Variants in DRAM1 observed in about 807,000 individuals in gnomAD.
The protein encoded by DRAM1 is DNA damage-regulated autophagy modulator protein 1.
A neutral mutation model predicts 28.5 loss-of-function variants in DRAM1; 25 were observed. The observed-to-expected ratio is 0.88, with a 90% CI of 0.64 to 1.23. The LOEUF (loss-of-function observed/expected upper bound fraction) is 1.23, where lower values mean the gene tolerates loss of function less well. Among genes scored for constraint, DRAM1 ranks in the 50% most tolerant of loss-of-function variants. DRAM1 has a pLI of 0.00. For missense variants in DRAM1, 249 were observed against 299.2 expected (o/e 0.83, Z 1.24); for synonymous variants, 113 against 114.2 (o/e 0.99, Z 0.07).
At chr12:101,907,372 T>A (rs1196455391) in intron 3 of DRAM1, among the ~76,000 whole-genome samples, 2 of 151,022 alleles carry the variant, frequency 1.3e-5, no homozygotes, top group Non-Finnish European at 3.0e-5. Flanking sequence ...ATGGAACGAG[T>A]CACGTACTTT....
At chr12:101,911,860 AT>A (rs1174506524) in intron 4 of DRAM1, among the ~76,000 whole-genome samples, 1 of 152,198 alleles carries the variant, frequency 6.6e-6, no homozygotes, top group Non-Finnish European at 1.5e-5. Context: ...CATATTATGT[AT>A]ATCTTATATT....
At chr12:101,887,145 C>CAAAAAAAAA (rs10654713) in intron 1 of DRAM1, among the ~76,000 whole-genome samples, 4 of 128,984 alleles carry the variant, frequency 3.1e-5, no homozygotes, top group Non-Finnish European at 5.2e-5. Context: ...AACTCCGTTT[C>CAAAAAAAAA]AAAAAAAAAA....
intron 1 of DRAM1, among the ~76,000 whole-genome samples, chr12:101,896,746 C>T (rs1873388780): frequency 6.6e-6 from 1 of 151,922 alleles, no homozygotes; most frequent in South Asian, 2.1e-4. Context: ...CTATTATTTC[C>T]ATAAAGTATT....
chr12:101,920,772 G>T (rs959015739), intron 6 of DRAM1, among the ~76,000 whole-genome samples: 1 of 152,088 alleles, frequency 6.6e-6, no homozygotes, highest in African/African-American at 2.4e-5. Flanking sequence ...TTAGCTGGGG[G>T]TGGTGGCACA....
At chr12:101,903,720 T>C (rs1302079250) in intron 3 of DRAM1, among the ~76,000 whole-genome samples, 2 of 152,128 alleles carry the variant, frequency 1.3e-5, no homozygotes, top group African/African-American at 2.4e-5. Flanking sequence ...TGTGAGGTGA[T>C]TGATATGTTA....
chr12:101,887,882 T>G (rs1872946399), intron 1 of DRAM1, among the ~76,000 whole-genome samples: 1 of 151,788 alleles, frequency 6.6e-6, no homozygotes, highest in South Asian at 2.1e-4. Context: ...TTTTGATTAC[T>G]GAGACTACAC....
intron 1 of DRAM1, among the ~76,000 whole-genome samples, chr12:101,879,992 A>G (rs1289613489): frequency 3.6e-5 from 5 of 137,084 alleles, no homozygotes; most frequent in East Asian, 4.0e-4. Context: ...TCCATCTCAG[A>G]AAAAAAAAAA....
intron 3 of DRAM1, 185 bp downstream of exon 3, chr12:101,901,618 G>A (rs903648118): frequency 3.6e-5 from 23 of 632,272 alleles, no homozygotes; most frequent in Middle Eastern, 4.4e-4. Context: ...AGGTGTGGTG[G>A]CTCACACCTG....
chr12:101,901,436 A>G lies in DRAM1; in HGVS notation c.342+3A>G, dbSNP rs1873601088. On this transcript the variant is annotated splice_donor_region_variant and intron_variant, in intron 3 of 6. Coordinates refer to ENST00000258534, the MANE Select transcript of DRAM1 (RefSeq NM_018370.3). ...TGGGCATTGTCGCCAATTTTCAGGT[A>G]TAATCTGGAGCTTTTTCAGTTATGA... 3.1e-6 allele frequency: 5 copies of G among 1,613,728 alleles called. No homozygotes were observed. The highest frequency in any genetic ancestry group is 4.2e-6 in the Non-Finnish European group (5 of 1,179,894).
chr12:101,882,413 G>A (rs965978765), intron 1 of DRAM1, among the ~76,000 whole-genome samples: 1 of 151,026 alleles, frequency 6.6e-6, no homozygotes, highest in Admixed American at 6.6e-5. Flanking sequence ...CCCGGCCCCT[G>A]ATGGTCTAAT....
At chr12:101,881,016 T>G (rs999606939) in intron 1 of DRAM1, among the ~76,000 whole-genome samples, 4 of 152,200 alleles carry the variant, frequency 2.6e-5, no homozygotes, top group African/African-American at 9.6e-5. Context: ...GCCGGAGCAC[T>G]GGATTGCCCC....
intron 5 of DRAM1, among the ~76,000 whole-genome samples, chr12:101,917,314 C>T (rs1049789825): frequency 2.0e-4 from 30 of 152,168 alleles, no homozygotes; most frequent in African/African-American, 7.0e-4. Flanking sequence ...ATGGAGAACT[C>T]TGGCAGGTAA....
In DRAM1 at chr12:101,908,899, A is replaced by G. The variant is rs567890930; in HGVS notation, c.520+536A>G. On this transcript the variant is annotated intron_variant, in intron 4 of 6. Transcript: ENST00000258534. ...CACTTCCCTTCCCCACAACCAAAAA[A>G]AAAAAAAAAAAAAAAGCAAAGGATA... Among the ~76,000 whole-genome samples the G allele has an allele frequency of 4.0e-3, 592 of 147,326 alleles. 2 individuals carry two copies. The highest frequency in any genetic ancestry group is 8.0e-3 in the Admixed American group (118 of 14,750).
intron 5 of DRAM1, among the ~76,000 whole-genome samples, chr12:101,917,409 C>T (rs1036054210): frequency 2.0e-5 from 3 of 152,076 alleles, no homozygotes; most frequent in Admixed American, 6.5e-5. Context: ...GCTTCTTGGC[C>T]GGGTGCGGTG....
chr12:101,878,029 T>C, intron 1 of DRAM1, 109 bp downstream of exon 1: 1 of 1,336,842 alleles, frequency 7.5e-7, no homozygotes, highest in African/African-American at 1.5e-5. Context: ...CGTCGTGTGG[T>C]CAGGCAGAGG....
chr12:101,898,549 T>C (rs921045521), intron 2 of DRAM1, among the ~76,000 whole-genome samples: 3 of 152,364 alleles, frequency 2.0e-5, no homozygotes, highest in Admixed American at 6.5e-5. Flanking sequence ...AAGACACTTA[T>C]GTAAGCCAAA....
At chr12:101,914,717 G>T (rs1281799509) in intron 5 of DRAM1, among the ~76,000 whole-genome samples, 1 of 152,068 alleles carries the variant, frequency 6.6e-6, no homozygotes, top group African/African-American at 2.4e-5. Flanking sequence ...GAGTGAAGTG[G>T]CGTGATCTCA....
At chr12:101,901,637 G>A in intron 3 of DRAM1, 1 of 549,278 alleles carries the variant, frequency 1.8e-6, no homozygotes. Flanking sequence ...TGTAATCCCA[G>A]CACTTTGGGA....
chr12:101,894,328 G>A (rs1594297494), intron 1 of DRAM1, among the ~76,000 whole-genome samples: 2 of 152,168 alleles, frequency 1.3e-5, no homozygotes, highest in Admixed American at 1.3e-4. Flanking sequence ...TGTTGGCCAG[G>A]CTGGTCTTGA....
Sources: gnomAD v4.1 joint callset for allele counts (sites outside exome capture counted in the v4.1 genomes callset) on GRCh38, gnomAD v4.1.1 for gene constraint, MANE v1.5 for transcripts, NCBI Gene and HGNC (gene_info 2026-07-23, HGNC 2026-07-21) for gene names.